Variants in SULF1 observed in about 807,000 individuals in gnomAD.
SULF1 encodes the protein extracellular sulfatase Sulf-1.
A neutral mutation model predicts 110.5 loss-of-function variants in SULF1; 46 were observed. The observed-to-expected ratio is 0.42, with a 90% confidence interval of 0.33 to 0.53. SULF1 has a LOEUF of 0.53. Ranked by LOEUF, SULF1 falls within the 20% of genes least tolerant of loss-of-function variation. The pLI is 0.12. For synonymous variants in SULF1, 371 were observed against 387.1 expected (o/e 0.96, Z 0.49); for missense variants, 941 against 1,094.2 (o/e 0.86, Z 1.98).
At chr8:69,565,724 G>T (rs1430263763) in intron 5 of SULF1, among the ~76,000 whole-genome samples, 2 of 152,102 alleles carry the variant, frequency 1.3e-5, no homozygotes, top group Non-Finnish European at 2.9e-5. Flanking sequence ...CCCTTCTGTG[G>T]TTTCCCTTTG....
In SULF1 at chr8:69,495,830, C is replaced by T. The variant is rs1810309434; in HGVS notation, c.-325C>T. 1 of 152,206 alleles carries T rather than the reference C, an allele frequency of 6.6e-6. No homozygotes were observed. 9.4% of individuals were successfully genotyped at this position (152,206 alleles called of 1,614,324 possible). A position where few individuals can be genotyped will look rare whatever the true frequency, so the allele number is the denominator to read the frequency against. ...CTAACACAAAGGAAGTAATTTCTTACCTGGTCATTATTTAGTCTACAATAA... is the reference window on the plus strand; with the variant it reads ...CTAACACAAAGGAAGTAATTTCTTATCTGGTCATTATTTAGTCTACAATAA... On this transcript the variant is annotated 5_prime_UTR_variant, in exon 2 of 23. Coordinates refer to ENST00000402687, the MANE Select transcript of SULF1 (RefSeq NM_001128205.2).
chr8:69,582,492 A>G (rs1806144886), intron 6 of SULF1, among the ~76,000 whole-genome samples: 1 of 152,152 alleles, frequency 6.6e-6, no homozygotes, highest in African/African-American at 2.4e-5. Context: ...GTGTTGATGC[A>G]TTTAATCCTC....
At chr8:69,499,847 T>G (rs2150569504) in intron 2 of SULF1, among the ~76,000 whole-genome samples, 1 of 152,282 alleles carries the variant, frequency 6.6e-6, no homozygotes, top group South Asian at 2.1e-4. Flanking sequence ...ACACCTGGGC[T>G]CAAGTAATCC....
chr8:69,576,969 C>A (rs541770848), intron 6 of SULF1, among the ~76,000 whole-genome samples: 1 of 152,340 alleles, frequency 6.6e-6, no homozygotes, highest in South Asian at 2.1e-4. Flanking sequence ...GATAAATATT[C>A]TCCTGCATCT....
At chr8:69,484,977 T>C (rs1809646659) in intron 1 of SULF1, among the ~76,000 whole-genome samples, 1 of 152,124 alleles carries the variant, frequency 6.6e-6, no homozygotes. Flanking sequence ...TATCTGGGAC[T>C]ACAGGTGCAT....
intron 8 of SULF1, among the ~76,000 whole-genome samples, chr8:69,596,804 G>A (rs1169287023): frequency 6.6e-6 from 1 of 152,144 alleles, no homozygotes; most frequent in African/African-American, 2.4e-5. Flanking sequence ...ACAATCAAAT[G>A]AGCTATTAAG....
At chr8:69,533,501 G>C (rs1422543997) in intron 3 of SULF1, among the ~76,000 whole-genome samples, 1 of 152,158 alleles carries the variant, frequency 6.6e-6, no homozygotes, top group Non-Finnish European at 1.5e-5. Context: ...AGAACATGTG[G>C]TATTTGGTTT....
At chr8:69,554,928 G>C (rs573695520) in intron 3 of SULF1, among the ~76,000 whole-genome samples, 92 of 133,482 alleles carry the variant, frequency 6.9e-4, no homozygotes, top group African/African-American at 2.7e-3. Context: ...GCGGTAAGCC[G>C]AGACTGCGCC....
chr8:69,625,123 A>C (rs969295936), intron 15 of SULF1, among the ~76,000 whole-genome samples: 5 of 152,200 alleles, frequency 3.3e-5, no homozygotes, highest in Non-Finnish European at 5.9e-5. Context: ...TGGGGTACTT[A>C]AGGCACTCTC....
intron 13 of SULF1, among the ~76,000 whole-genome samples, chr8:69,608,877 G>T (rs988885232): frequency 6.6e-6 from 1 of 151,996 alleles, no homozygotes; most frequent in Non-Finnish European, 1.5e-5. Context: ...TCTCTCAGCT[G>T]GGCGTTACAC....
In SULF1 at chr8:69,586,443, C is replaced by T. The variant is rs1327424175; in HGVS notation, c.499C>T (p.Arg167Cys). The T allele has an allele frequency of 7.4e-6, 12 of 1,611,860 alleles. No homozygotes were observed. Among genetic ancestry groups the T allele is most frequent in the East Asian group, 6.7e-5 (3 of 44,798 alleles). The change falls in exon 7 of 23, where the codon CGC (arginine) becomes TGC (cysteine). Residue 167 changes from arginine (R) to cysteine (C), a missense_variant. By Grantham distance (180) the Arg-to-Cys change is radical. Coordinates refer to ENST00000402687, the MANE Select transcript of SULF1 (RefSeq NM_001128205.2). ...REWLGLIKNS[R>C]FYNYTVCRNG... ...ATGGCTTGGATTAATCAAGAATTCT[C>T]GCTTCTATAATTACACTGTTTGTCG...
chr8:69,607,307 T>C (rs569545015), intron 13 of SULF1, among the ~76,000 whole-genome samples: 1 of 152,348 alleles, frequency 6.6e-6, no homozygotes, highest in East Asian at 1.9e-4. Context: ...ATTTTGAGCC[T>C]TAATCTTTAA....
At chr8:69,560,940 C>T (rs1333901068) in intron 3 of SULF1, among the ~76,000 whole-genome samples, 6 of 152,146 alleles carry the variant, frequency 3.9e-5, no homozygotes, top group Non-Finnish European at 8.8e-5. Flanking sequence ...TAATGTATAT[C>T]GTTGTAGGTA....
chr8:69,638,622 A>G lies in SULF1; in HGVS notation c.2405A>G (p.Asp802Gly). The change falls in exon 20 of 23, where the codon GAT (aspartate) becomes GGT (glycine). Residue 802 changes from aspartate (D) to glycine (G), a missense_variant. Coordinates refer to ENST00000402687, the MANE Select transcript of SULF1 (RefSeq NM_001128205.2). ...EFATGFLEYF[D>G]MNTDPYQLTN... Reference sequence around the variant, plus strand: ...GCTACTGGCTTTTTGGAGTATTTTGATATGAATACAGATCCTTATCAGGTA... The same window carrying G: ...GCTACTGGCTTTTTGGAGTATTTTGGTATGAATACAGATCCTTATCAGGTA... 6.2e-7 allele frequency: 1 copy of G among 1,613,608 alleles called. No individual in the cohort carries two copies. Among genetic ancestry groups the G allele is most frequent in the East Asian group, 2.2e-5 (1 of 44,864 alleles).
Position 69,611,069 on chromosome 8 carries a change from C to A in SULF1, c.1377+6137C>A, listed in dbSNP as rs550775753. On this transcript the variant is annotated intron_variant, in intron 13 of 22. Transcript: ENST00000402687. ...TGATCAAGGTGCTTTGGGATTACAT[C>A]CTGGATATACTGCTTTCTTGGCATT... is the stretch of plus-strand genomic sequence containing the variant. Among the ~76,000 whole-genome samples the A allele has an allele frequency of 1.9e-4, 29 of 152,350 alleles. No homozygotes were observed. The South Asian group carries it at 6.0e-3, about 32-fold the overall frequency.
At chr8:69,586,755 A>G (rs1476401412) in intron 7 of SULF1, among the ~76,000 whole-genome samples, 1 of 152,040 alleles carries the variant, frequency 6.6e-6, no homozygotes, top group African/African-American at 2.4e-5. Context: ...CATCAAGAAA[A>G]TCAGAATTCT....
chr8:69,651,980 G>T (rs766809753), intron 22 of SULF1, among the ~76,000 whole-genome samples: 1 of 152,056 alleles, frequency 6.6e-6, no homozygotes, highest in African/African-American at 2.4e-5. Flanking sequence ...CTGGGGGCTC[G>T]AGGCAAGAAT....
chr8:69,634,998 G>C (rs1810873261), intron 19 of SULF1, among the ~76,000 whole-genome samples: 1 of 152,182 alleles, frequency 6.6e-6, no homozygotes, highest in Non-Finnish European at 1.5e-5. Flanking sequence ...GTTTCGCCAT[G>C]TTGGCCAGGA....
chr8:69,619,114 A>G (rs971394474), intron 13 of SULF1, among the ~76,000 whole-genome samples: 1 of 152,168 alleles, frequency 6.6e-6, no homozygotes, highest in Non-Finnish European at 1.5e-5. Flanking sequence ...GGCACAAAAA[A>G]CCATAATTTT....
Sources: gnomAD v4.1 joint callset for allele counts (sites outside exome capture counted in the v4.1 genomes callset) on GRCh38, gnomAD v4.1.1 for gene constraint, MANE v1.5 for transcripts, NCBI Gene and HGNC (gene_info 2026-07-23, HGNC 2026-07-21) for gene names.